Variants in NSRP1 observed in about 807,000 individuals in gnomAD.
The protein encoded by NSRP1 is coiled-coil domain containing 55.
Under a neutral mutation model 54.7 loss-of-function variants are expected in NSRP1, and 24 were observed. That is an observed-to-expected ratio of 0.44 (90% confidence interval 0.32 to 0.62). The LOEUF (loss-of-function observed/expected upper bound fraction) is 0.62, where lower values mean the gene tolerates loss of function less well. Among genes scored for constraint, NSRP1 ranks in the 20% least tolerant of loss-of-function variants. NSRP1 has a pLI of 0.06. For synonymous variants in NSRP1, 210 were observed against 213.8 expected (o/e 0.98, Z 0.15); for missense variants, 596 against 651.2 (o/e 0.92, Z 0.92).
intron 3 of NSRP1, among the ~76,000 whole-genome samples, chr17:30,172,916 AAAG>A (rs747489459): frequency 9.2e-5 from 14 of 152,076 alleles, no homozygotes; most frequent in African/African-American, 3.1e-4. Flanking sequence ...ATCTGCCCAG[AAAG>A]AAGAATATCA....
intron 6 of NSRP1, among the ~76,000 whole-genome samples, chr17:30,183,316 G>T (rs1905381390): frequency 6.6e-6 from 1 of 152,094 alleles, no homozygotes; most frequent in Non-Finnish European, 1.5e-5. Flanking sequence ...TTAAGGTGAG[G>T]AGAGGAAGTT....
At chr17:30,126,616 T>G (rs771588260) in intron 2 of NSRP1, among the ~76,000 whole-genome samples, 3 of 151,992 alleles carry the variant, frequency 2.0e-5, no homozygotes, top group African/African-American at 4.8e-5. Context: ...TGAAACAGAG[T>G]CTTGTTCTAT....
intron 3 of NSRP1, among the ~76,000 whole-genome samples, chr17:30,175,766 T>C (rs1453630394): frequency 6.6e-6 from 1 of 152,188 alleles, no homozygotes; most frequent in Admixed American, 6.5e-5. Context: ...CTTTAAAACC[T>C]GTAGAGGTTT....
At chr17:30,129,074 A>G (rs1356078200) in intron 2 of NSRP1, among the ~76,000 whole-genome samples, 1 of 150,844 alleles carries the variant, frequency 6.6e-6, no homozygotes, top group Non-Finnish European at 1.5e-5. Flanking sequence ...TTTTTTTTAT[A>G]CTTTTCTGTA....
At chr17:30,180,344 C>G (rs1201156755) in intron 5 of NSRP1, among the ~76,000 whole-genome samples, 1 of 151,966 alleles carries the variant, frequency 6.6e-6, no homozygotes, top group East Asian at 1.9e-4. Flanking sequence ...TTTATAGAGA[C>G]GGAGTTTTAC....
rs148657875 is a variant in NSRP1, at chr17:30,184,764, C to T, written c.767C>T (p.Ala256Val). Residue 256 changes from alanine (A) to valine (V), a missense_variant, in exon 7 of 7, where the codon GCG becomes GTG. Transcript: ENST00000247026. Reference protein sequence around the residue: ...ADSDFDAKSSADDEIEETRVN... With the variant: ...ADSDFDAKSSVDDEIEETRVN... Reference sequence around the variant, plus strand: ...AGTGACTTCGATGCTAAGAGCAGTGCGGATGATGAAATAGAAGAAACTAGA... The same window carrying T: ...AGTGACTTCGATGCTAAGAGCAGTGTGGATGATGAAATAGAAGAAACTAGA... 8.4e-5 allele frequency: 135 copies of T among 1,613,834 alleles called. No individual in the cohort carries two copies. In the African/African-American group the frequency reaches 1.5e-3, roughly 17 times the overall value.
intron 6 of NSRP1, among the ~76,000 whole-genome samples, chr17:30,183,055 C>G (rs1001822508): frequency 1.5e-4 from 23 of 152,052 alleles, no homozygotes; most frequent in Admixed American, 1.2e-3. Context: ...ATACTGGGGA[C>G]AGCTCACATA....
intron 2 of NSRP1, among the ~76,000 whole-genome samples, chr17:30,148,042 T>C (rs2071874057): frequency 6.6e-6 from 1 of 150,582 alleles, no homozygotes; most frequent in Non-Finnish European, 1.5e-5. Context: ...TGCGAACTCC[T>C]GACCTCAAGT....
At chr17:30,138,675 A>G (rs1489009942) in intron 2 of NSRP1, among the ~76,000 whole-genome samples, 1 of 152,014 alleles carries the variant, frequency 6.6e-6, no homozygotes, top group African/African-American at 2.4e-5. Flanking sequence ...CCAACTGTAT[A>G]CTTTGGGGGG....
intron 2 of NSRP1, among the ~76,000 whole-genome samples, chr17:30,138,289 G>A (rs2071767788): frequency 6.6e-6 from 1 of 152,158 alleles, no homozygotes; most frequent in Non-Finnish European, 1.5e-5. Flanking sequence ...GAACATGGCT[G>A]TATAAGTAAC....
In NSRP1 at chr17:30,185,289, A is replaced by G; in HGVS notation, c.1292A>G (p.Asn431Ser). 16 of 1,604,204 alleles carry G rather than the reference A, an allele frequency of 1.0e-5. No individual in the cohort carries two copies. Among genetic ancestry groups the G allele is most frequent in the Non-Finnish European group, 1.4e-5 (16 of 1,177,124 alleles). The change falls in exon 7 of 7, where the codon AAT (asparagine) becomes AGT (serine). Residue 431 changes from asparagine to serine, a missense_variant. By Grantham distance (46) the Asn-to-Ser change is conservative. Transcript: ENST00000247026. ...MKVRKERYEN[N>S]DKYRDREKRE... ...GTAAGGAAGGAAAGATATGAAAATA[A>G]TGATAAATACAGAGATAGAGAAAAA...
chr17:30,184,673 A>G lies in NSRP1; in HGVS notation c.676A>G (p.Arg226Gly). ...CTCCAATGAAGTAAGTTCAAAAAAC[A>G]GAATACCACAAGAGAAATGCATTCT... ...GFSNEVSSKN[R>G]IPQEKCILQT... Residue 226 changes from arginine (R) to glycine (G), a missense_variant, in exon 7 of 7, where the codon AGA becomes GGA. Transcript: ENST00000247026. 1 of 1,604,842 alleles carries G rather than the reference A, an allele frequency of 6.2e-7. No homozygotes were observed. Among genetic ancestry groups the G allele is most frequent in the Non-Finnish European group, 8.5e-7 (1 of 1,176,558 alleles).
intron 2 of NSRP1, among the ~76,000 whole-genome samples, chr17:30,126,278 A>G (rs1471531857): frequency 6.6e-6 from 1 of 152,166 alleles, no homozygotes; most frequent in Non-Finnish European, 1.5e-5. Flanking sequence ...CTGTTCCTCC[A>G]TAAAAAGTAC....
chr17:30,159,849 A>G (rs1567800684), intron 2 of NSRP1, among the ~76,000 whole-genome samples: 2 of 151,984 alleles, frequency 1.3e-5, no homozygotes, highest in Admixed American at 6.6e-5. Context: ...TTTAGTAGAG[A>G]TGGCGTTTCA....
chr17:30,118,444 C>A (rs907230554), intron 2 of NSRP1, among the ~76,000 whole-genome samples: 1 of 152,126 alleles, frequency 6.6e-6, no homozygotes, highest in Admixed American at 6.5e-5. Context: ...GTGTAAAGAT[C>A]CCTAGGTATG....
chr17:30,167,879 A>G (rs557984534), intron 2 of NSRP1, among the ~76,000 whole-genome samples: 2 of 152,220 alleles, frequency 1.3e-5, no homozygotes, highest in South Asian at 4.1e-4. Context: ...TTCCACTCTA[A>G]TGGTCAACAG....
intron 2 of NSRP1, among the ~76,000 whole-genome samples, chr17:30,127,659 G>C (rs2071662406): frequency 6.6e-6 from 1 of 151,996 alleles, no homozygotes; most frequent in Non-Finnish European, 1.5e-5. Context: ...AGTGATCCTT[G>C]TGCCTCAGCC....
intron 2 of NSRP1, among the ~76,000 whole-genome samples, chr17:30,148,737 G>C (rs1404626981): frequency 6.6e-6 from 1 of 152,164 alleles, no homozygotes; most frequent in Non-Finnish European, 1.5e-5. Context: ...TTCTAAGTTT[G>C]GGCTGTGGAT....
Position 30,181,006 on chromosome 17 carries a change from C to T in NSRP1, c.607C>T (p.Arg203Cys), listed in dbSNP as rs144072900. Residue 203 changes from arginine (R) to cysteine (C), a missense_variant, in exon 6 of 7, where the codon CGT becomes TGT. Coordinates refer to ENST00000247026, the MANE Select transcript of NSRP1 (RefSeq NM_032141.4). ...AGAGGAAGTACCTAAATGCAGCTTT[C>T]GTGAAGCCAGGTGAGGAGACGTGTA... ...GEEEVPKCSF[R>C]EARSGIKEEK... 1.4e-5 allele frequency: 23 copies of T among 1,602,552 alleles called. No homozygotes were observed. The highest frequency in any genetic ancestry group is 1.9e-5 in the Non-Finnish European group (22 of 1,169,790).
Sources: gnomAD v4.1 joint callset for allele counts (sites outside exome capture counted in the v4.1 genomes callset) on GRCh38, gnomAD v4.1.1 for gene constraint, MANE v1.5 for transcripts, NCBI Gene and HGNC (gene_info 2026-07-23, HGNC 2026-07-21) for gene names.